Variants in PRKCQ observed in about 807,000 individuals in gnomAD.
PRKCQ encodes the protein protein kinase C theta.
In PRKCQ, 41 loss-of-function variants were observed where a neutral mutation model predicts 91.2. The observed-to-expected ratio is 0.45, with a 90% CI of 0.35 to 0.58. The LOEUF is 0.58. Ranked by LOEUF, PRKCQ falls within the 20% of genes least tolerant of loss-of-function variation. The pLI is 0.00. For synonymous variants in PRKCQ, 307 were observed against 316.9 expected, an observed-to-expected ratio of 0.97 and a Z score of 0.33; for missense variants, 673 against 896.5, an observed-to-expected ratio of 0.75 and a Z score of 3.18.
At chr10:6,562,642 A>G (rs923513797) in intron 1 of PRKCQ, among the ~76,000 whole-genome samples, 2 of 152,238 alleles carry the variant, frequency 1.3e-5, no homozygotes, top group African/African-American at 4.8e-5. Context: ...ATTTTTAAAC[A>G]TAAGTCAGTA....
chr10:6,497,367 C>A lies in PRKCQ; in HGVS notation c.543-116G>T. 8.3e-7 allele frequency: 1 copy of A among 1,206,218 alleles called. No individual in the cohort carries two copies. Among genetic ancestry groups the A allele is most frequent in the South Asian group, 1.2e-5 (1 of 80,520 alleles). The allele number at this position is 1,206,218 out of a possible 1,614,324, so 74.7% of individuals were successfully genotyped here. ...CTAAGATCACAGAGCAGTTTCTGAT[C>A]AGCAGCCCTGTTGTATCATTTGCCA... is the stretch of plus-strand genomic sequence containing the variant. On this transcript the variant is annotated intron_variant, in intron 5 of 17. Coordinates refer to ENST00000263125, the MANE Select transcript of PRKCQ (RefSeq NM_006257.5). This position sits in a 1 kb window ranked among gnomAD's most constrained non-coding sequence, Gnocchi z 4.5.
At chr10:6,423,343 G>A (rs748357156), downstream of PRKCQ, among the ~76,000 whole-genome samples, 2 of 152,168 alleles carry the variant, frequency 1.3e-5, no homozygotes, top group Non-Finnish European at 2.9e-5. Context: ...CAGTCTCTTT[G>A]GGTTCCGGAC....
chr10:6,431,431 C>T (rs566331102), intron 16 of PRKCQ, among the ~76,000 whole-genome samples: 1 of 152,298 alleles, frequency 6.6e-6, no homozygotes, highest in Middle Eastern at 3.4e-3. Flanking sequence ...CATACATACA[C>T]ATGAACACAT....
the PRKCQ span, among the ~76,000 whole-genome samples, chr10:6,397,652 C>T: frequency 1.1e-3 from 166 of 152,048 alleles, no homozygotes; most frequent in Non-Finnish European, 7.4e-4. Flanking sequence ...TGGCTGGGTG[C>T]GGTGGCTCAT....
intron 8 of PRKCQ, among the ~76,000 whole-genome samples, 171 bp from the exon 9 acceptor site, chr10:6,486,315 G>T (rs1178038176): frequency 1.3e-5 from 2 of 152,162 alleles, no homozygotes; most frequent in African/African-American, 4.8e-5. Flanking sequence ...TGCTGGAAGG[G>T]AAGTGAGGTA....
At chr10:6,564,356 T>A (rs1840755329) in intron 1 of PRKCQ, among the ~76,000 whole-genome samples, 1 of 151,928 alleles carries the variant, frequency 6.6e-6, no homozygotes, top group African/African-American at 2.4e-5. Flanking sequence ...CTCGATGGCG[T>A]TTTCAAAGGC....
intron 1 of PRKCQ, among the ~76,000 whole-genome samples, chr10:6,553,069 C>T (rs1840252477): frequency 6.6e-6 from 1 of 152,092 alleles, no homozygotes; most frequent in South Asian, 2.1e-4. Flanking sequence ...TGCGTTTAGC[C>T]TGTGGCTATC....
intron 15 of PRKCQ, among the ~76,000 whole-genome samples, chr10:6,452,234 C>G (rs137882235): frequency 0.089 from 13,502 of 152,130 alleles, 657 homozygotes; most frequent in Middle Eastern, 0.18. Flanking sequence ...AAAGTCTCAG[C>G]ATACAAAATC....
the PRKCQ span, among the ~76,000 whole-genome samples, chr10:6,396,702 G>A: frequency 6.6e-6 from 1 of 152,200 alleles, no homozygotes; most frequent in African/African-American, 2.4e-5. Context: ...GCACATTTGG[G>A]TTGTTCATAC....
chr10:6,483,081 C>T (rs1836700657), intron 11 of PRKCQ, among the ~76,000 whole-genome samples: 1 of 152,144 alleles, frequency 6.6e-6, no homozygotes, highest in African/African-American at 2.4e-5. Context: ...ACACTCCAGG[C>T]TTGAGAATGA....
chr10:6,483,532 C>T lies in PRKCQ; in HGVS notation c.1087G>A (p.Glu363Lys). ...AGAGATGGTCTTTCTTTGTTCAGTTCAGGTTCTGGAAGATGGCACATTTTA... is the reference window on the plus strand; with the variant it reads ...AGAGATGGTCTTTCTTTGTTCAGTTTAGGTTCTGGAAGATGGCACATTTTA... ...VDKMCHLPEPELNKERPSLQI... is the reference protein window; with the variant it reads ...VDKMCHLPEPKLNKERPSLQI... Residue 363 changes from glutamate (E) to lysine (K), a missense_variant, in exon 11 of 18, where the codon GAA becomes AAA. Coordinates refer to ENST00000263125, the MANE Select transcript of PRKCQ (RefSeq NM_006257.5). The T allele has an allele frequency of 6.2e-7, 1 of 1,614,184 alleles. No homozygotes were observed. The highest frequency in any genetic ancestry group is 8.5e-7 in the Non-Finnish European group (1 of 1,180,016).
intron 12 of PRKCQ, among the ~76,000 whole-genome samples, chr10:6,466,303 C>G (rs148578924): frequency 6.6e-6 from 1 of 152,220 alleles, no homozygotes; most frequent in Non-Finnish European, 1.5e-5. Flanking sequence ...TTCCACACAC[C>G]TTCCCACCTA....
chr10:6,432,169 G>A (rs764325958), intron 16 of PRKCQ, among the ~76,000 whole-genome samples: 4 of 152,118 alleles, frequency 2.6e-5, no homozygotes, highest in South Asian at 2.1e-4. Flanking sequence ...GGTGGAACGC[G>A]TGATTTTCCA....
At chr10:6,542,550 TTAACACCCTA>T (rs1359913242) in intron 1 of PRKCQ, among the ~76,000 whole-genome samples, 1 of 152,184 alleles carries the variant, frequency 6.6e-6, no homozygotes, top group East Asian at 1.9e-4. Flanking sequence ...TGTAGAGACT[TTAACACCCTA>T]TAACACAGCA....
intron 17 of PRKCQ, 112 bp from the exon 18 acceptor site, chr10:6,428,474 G>T: frequency 8.3e-7 from 1 of 1,204,154 alleles, no homozygotes; most frequent in Non-Finnish European, 1.2e-6. Flanking sequence ...GTTGGTGTTT[G>T]CAGAGACACT....
chr10:6,408,367 T>G, the PRKCQ span, among the ~76,000 whole-genome samples: 17 of 151,866 alleles, frequency 1.1e-4, no homozygotes, highest in African/African-American at 4.1e-4. Context: ...CCACTTTTTG[T>G]TTTTTTTGAG....
intron 1 of PRKCQ, among the ~76,000 whole-genome samples, chr10:6,525,746 G>A (rs1410428488): frequency 6.6e-6 from 1 of 152,202 alleles, no homozygotes; most frequent in African/African-American, 2.4e-5. Flanking sequence ...TCCACACAGA[G>A]GGTCATTCCC....
the PRKCQ span, among the ~76,000 whole-genome samples, chr10:6,394,623 C>T: frequency 2.6e-5 from 4 of 152,304 alleles, no homozygotes; most frequent in South Asian, 2.1e-4. Context: ...TAAATACATA[C>T]GCCAAATCGT....
chr10:6,579,739 C>T (rs373132382), intron 1 of PRKCQ, among the ~76,000 whole-genome samples: 42 of 150,510 alleles, frequency 2.8e-4, no homozygotes, highest in East Asian at 1.8e-3. Flanking sequence ...GAAGCCTGAG[C>T]AATGGCACCC....
Sources: gnomAD v4.1 joint callset for allele counts (sites outside exome capture counted in the v4.1 genomes callset) on GRCh38, gnomAD v4.1.1 for gene constraint, Gnocchi (gnomAD v3.1) non-coding constraint, MANE v1.5 for transcripts, NCBI Gene and HGNC (gene_info 2026-07-23, HGNC 2026-07-21) for gene names.